The following CDH12 variants were observed in gnomAD, a reference collection of about 807,000 sequenced individuals.
CDH12 encodes cadherin-12.
Under a neutral mutation model 74.1 loss-of-function variants are expected in CDH12, and 41 were observed. That is an observed-to-expected ratio of 0.55 (90% CI 0.43 to 0.72). The LOEUF (loss-of-function observed/expected upper bound fraction) is 0.72. CDH12 is among the 30% of genes least tolerant of loss of function. CDH12 has a pLI of 0.00. For synonymous variants in CDH12, 399 were observed against 355.0 expected (o/e 1.12, Z -1.39); for missense variants, 945 against 977.2 (o/e 0.97, Z 0.44).
At chr5:21,922,892 C>A (rs1221156317) in intron 6 of CDH12, among the ~76,000 whole-genome samples, 1 of 151,754 alleles carries the variant, frequency 6.6e-6, no homozygotes, top group African/African-American at 2.4e-5. Flanking sequence ...TAAGTTGAAT[C>A]AGGCTAGTAA....
chr5:21,935,232 C>T (rs181393342), intron 6 of CDH12, among the ~76,000 whole-genome samples: 2 of 152,254 alleles, frequency 1.3e-5, no homozygotes, highest in Admixed American at 1.3e-4. Flanking sequence ...GTGATGAGAT[C>T]ATGGGCTAAT....
chr5:22,283,400 A>T (rs1049878212), intron 3 of CDH12, among the ~76,000 whole-genome samples: 3 of 151,104 alleles, frequency 2.0e-5, no homozygotes, highest in African/African-American at 7.3e-5. Context: ...TATATGTGAT[A>T]TATACATATG....
chr5:22,059,010 C>G (rs896993643), intron 5 of CDH12, among the ~76,000 whole-genome samples: 1 of 151,930 alleles, frequency 6.6e-6, no homozygotes, highest in African/African-American at 2.4e-5. Context: ...TGATACTACA[C>G]GAGTACAGCT....
chr5:21,963,341 T>G (rs1249692155), intron 6 of CDH12, among the ~76,000 whole-genome samples: 4 of 151,892 alleles, frequency 2.6e-5, no homozygotes, highest in Non-Finnish European at 5.9e-5. Flanking sequence ...AGCTTCTGCA[T>G]AGCAAAAGAA....
At chr5:22,269,822 T>C (rs1335879760) in intron 3 of CDH12, among the ~76,000 whole-genome samples, 1 of 152,152 alleles carries the variant, frequency 6.6e-6, no homozygotes, top group African/African-American at 2.4e-5. Flanking sequence ...ATGAAAATAG[T>C]TTAAAAATAC....
intron 1 of CDH12, among the ~76,000 whole-genome samples, chr5:22,699,292 C>T (rs888002970): frequency 1.3e-5 from 2 of 152,052 alleles, no homozygotes; most frequent in Non-Finnish European, 2.9e-5. Context: ...AATATAGGTT[C>T]ATATAGGAAA....
At chr5:22,275,634 T>G (rs1736599381) in intron 3 of CDH12, among the ~76,000 whole-genome samples, 3 of 152,204 alleles carry the variant, frequency 2.0e-5, no homozygotes, top group Non-Finnish European at 4.4e-5. Context: ...ATAAGAAGCT[T>G]AAATCATTTT....
At position 22,101,987 on chromosome 5, in the gene CDH12, A is replaced by G. The variant is rs149676243; in HGVS notation, c.-186-23125T>C. On this transcript the variant is annotated intron_variant, in intron 4 of 14. Transcript: ENST00000382254. Reference sequence around the variant, plus strand: ...TATGTTCCAATAGTGCCATATTTACAAAATCAGGAAATGACCTGGATTTGA... The same window carrying G: ...TATGTTCCAATAGTGCCATATTTACGAAATCAGGAAATGACCTGGATTTGA... Among the ~76,000 whole-genome samples the G allele has an allele frequency of 5.5e-3, 843 of 152,308 alleles. 6 individuals are homozygous for G. Among genetic ancestry groups the G allele is most frequent in the African/African-American group, 0.019 (779 of 41,566 alleles).
At chr5:21,828,908 CT>C (rs70957070) in intron 8 of CDH12, among the ~76,000 whole-genome samples, 86 of 119,204 alleles carry the variant, frequency 7.2e-4, no homozygotes, top group African/African-American at 1.9e-3. Flanking sequence ...AATCCTATGT[CT>C]TTTTTTTTTT....
chr5:22,398,902 T>G (rs1160500594), intron 3 of CDH12, among the ~76,000 whole-genome samples: 1 of 152,110 alleles, frequency 6.6e-6, no homozygotes, highest in East Asian at 1.9e-4. Context: ...TCTACTGTGG[T>G]AGAGACCCCT....
chr5:22,779,665 T>A (rs144802515), intron 1 of CDH12, among the ~76,000 whole-genome samples: 22 of 152,272 alleles, frequency 1.4e-4, no homozygotes, highest in African/African-American at 5.1e-4. Context: ...TCATGAGATC[T>A]GATGATTTTG....
intron 3 of CDH12, among the ~76,000 whole-genome samples, chr5:22,369,733 T>C (rs1257985730): frequency 6.6e-6 from 1 of 152,168 alleles, no homozygotes; most frequent in Non-Finnish European, 1.5e-5. Flanking sequence ...TTTGCTAAAT[T>C]TGAAGAGTAA....
rs148673211 is a variant in CDH12, at chr5:22,576,976, A to G, written c.-522-71612T>C. On this transcript the variant is annotated intron_variant, in intron 1 of 14. Transcript: ENST00000382254. ...AAGCCTTTACCCATATTTCTCTAGAATCATATTTACAAAATGATATTAATA... is the reference window on the plus strand; with the variant it reads ...AAGCCTTTACCCATATTTCTCTAGAGTCATATTTACAAAATGATATTAATA... Among the ~76,000 whole-genome samples, 5 of 152,318 alleles carry G rather than the reference A, an allele frequency of 3.3e-5. No individual in the cohort carries two copies. In the East Asian group the frequency reaches 5.8e-4, roughly 18 times the overall value.
At chr5:21,960,957 A>C (rs1304334151) in intron 6 of CDH12, among the ~76,000 whole-genome samples, 1 of 152,132 alleles carries the variant, frequency 6.6e-6, no homozygotes, top group Non-Finnish European at 1.5e-5. Context: ...TTAATGGCCG[A>C]GACTACATAG....
At chr5:21,846,782 A>C (rs1262309906) in intron 7 of CDH12, among the ~76,000 whole-genome samples, 3 of 152,084 alleles carry the variant, frequency 2.0e-5, no homozygotes, top group Non-Finnish European at 2.9e-5. Context: ...TTTACTTTGG[A>C]GCTAAATACC....
At chr5:21,994,571 C>T (rs1736157292) in intron 5 of CDH12, among the ~76,000 whole-genome samples, 1 of 152,140 alleles carries the variant, frequency 6.6e-6, no homozygotes, top group Non-Finnish European at 1.5e-5. Context: ...ATCATTATGT[C>T]CCCAGAGGTA....
intron 3 of CDH12, among the ~76,000 whole-genome samples, chr5:22,297,799 T>G (rs1017434937): frequency 1.3e-5 from 2 of 152,168 alleles, no homozygotes; most frequent in African/African-American, 4.8e-5. Context: ...TTGTTATTGC[T>G]TATCTTTAAA....
intron 9 of CDH12, among the ~76,000 whole-genome samples, chr5:21,809,813 A>G (rs530411194): frequency 2.6e-5 from 4 of 152,240 alleles, no homozygotes; most frequent in Admixed American, 2.0e-4. Flanking sequence ...GGCTTAAAAT[A>G]TAGTAGGAGG....
In CDH12 at chr5:21,842,203, T is replaced by C. The variant is rs1749906823; in HGVS notation, c.772A>G (p.Thr258Ala). 2.5e-6 allele frequency: 4 copies of C among 1,613,186 alleles called. No homozygotes were observed. Among genetic ancestry groups the C allele is most frequent in the Non-Finnish European group, 3.4e-6 (4 of 1,179,590 alleles). The change falls in exon 8 of 15, where the codon ACT (threonine) becomes GCT (alanine). Residue 258 changes from threonine (T) to alanine (A), a missense_variant. Physicochemically the swap from Thr to Ala is moderately conservative, Grantham distance 58. Around this residue, in one of 3 missense-constraint regions of CDH12, gnomAD observed 791 missense variants for 792.8 expected, o/e 1.00. Coordinates refer to ENST00000382254, the MANE Select transcript of CDH12 (RefSeq NM_004061.5). ...GLAGTTIVNI[T>A]LTDVNDNPPR... is the part of the protein sequence containing the mutation. The stretch of plus-strand genomic sequence containing the variant: ...GGATTGTCATTGACATCGGTGAGAG[T>C]GATGTTGACTATTGTTGTTCCGGCT...
Sources: gnomAD v4.1 joint callset for allele counts (sites outside exome capture counted in the v4.1 genomes callset) on GRCh38, gnomAD v4.1.1 for gene constraint, gnomAD v4.1.1 regional missense constraint, MANE v1.5 for transcripts, NCBI Gene and HGNC (gene_info 2026-07-23, HGNC 2026-07-21) for gene names.